LMBR1: variants seen among roughly 807,000 people sequenced by gnomAD.
LMBR1 encodes the protein limb region 1 protein homolog.
Under a neutral mutation model 73.9 loss-of-function variants are expected in LMBR1, and 52 were observed. That is an observed-to-expected ratio of 0.70 (90% confidence interval 0.56 to 0.89). The LOEUF is 0.89. Ranked by LOEUF, LMBR1 falls within the 40% of genes least tolerant of loss-of-function variation. LMBR1 has a pLI of 0.00. For synonymous variants in LMBR1, 215 were observed against 209.4 expected (o/e 1.03, Z -0.23); for missense variants, 539 against 579.8 (o/e 0.93, Z 0.72).
At chr7:156,796,566 C>T (rs1830082732) in intron 4 of LMBR1, 74 bp from the exon 5 acceptor site, 2 of 872,680 alleles carry the variant, frequency 2.3e-6, no homozygotes, top group African/African-American at 1.8e-5. Context: ...AAGATCTATA[C>T]TTTTAAATAG....
rs186726789 is a variant in LMBR1, at chr7:156,824,969, G to A, written c.319+1636C>T. The stretch of plus-strand genomic sequence containing the variant: ...TCTATTTCTTTCCTTGGATAAAAAC[G>A]AAAGCATACTTAGCTGTAACGCTAC... On this transcript the variant is annotated intron_variant, in intron 4 of 16. Coordinates refer to ENST00000353442, the MANE Select transcript of LMBR1 (RefSeq NM_022458.4). Among the ~76,000 whole-genome samples the A allele has an allele frequency of 2.6e-3, 399 of 151,854 alleles. 4 individuals carry two copies. The highest frequency in any genetic ancestry group is 9.0e-3 in the African/African-American group (374 of 41,406).
chr7:156,792,416 A>C (rs1829378418), intron 5 of LMBR1, among the ~76,000 whole-genome samples: 1 of 152,212 alleles, frequency 6.6e-6, no homozygotes, highest in Non-Finnish European at 1.5e-5. Context: ...AAATAATCTA[A>C]ATTTGGTAAA....
At chr7:156,773,578 C>T (rs569671404) in intron 5 of LMBR1, among the ~76,000 whole-genome samples, 88 of 152,044 alleles carry the variant, frequency 5.8e-4, no homozygotes, top group Admixed American at 3.6e-3. Flanking sequence ...TCAACAAAGT[C>T]GACAAAAACA....
At chr7:156,759,212 T>C (rs771630146) in intron 8 of LMBR1, among the ~76,000 whole-genome samples, 3 of 152,264 alleles carry the variant, frequency 2.0e-5, no homozygotes, top group Non-Finnish European at 4.4e-5. Context: ...GTGTTTTTGA[T>C]GGTAGTAGCA....
intron 5 of LMBR1, among the ~76,000 whole-genome samples, chr7:156,787,548 A>G (rs1312557984): frequency 6.6e-6 from 1 of 152,248 alleles, no homozygotes; most frequent in Non-Finnish European, 1.5e-5. Context: ...TACAAAGACC[A>G]AAATTTCTCT....
rs1284920280 is a variant in LMBR1, at chr7:156,697,902, T to C, written c.1226-9711A>G. 3.9e-5 allele frequency among the ~76,000 whole-genome samples: 6 copies of C among 152,164 alleles called. No individual in the cohort carries two copies. In the East Asian group the frequency reaches 1.2e-3, roughly 29 times the overall value. ...AGACAGGCATAAAAAATTATAAAAG[T>C]ATTATTTGGGAACTGACAAATGTCC... On this transcript the variant is annotated intron_variant, in intron 15 of 16. Transcript: ENST00000353442.
chr7:156,845,654 A>T lies in LMBR1; in HGVS notation c.67-8769T>A, dbSNP rs182298712. On this transcript the variant is annotated intron_variant, in intron 1 of 16. Transcript: ENST00000353442. The stretch of plus-strand genomic sequence containing the variant: ...TAACAAAAAAGAAAGATGGGTTGAA[A>T]TTTTTTTTTTTAAGAGACAGGGTTT... 4.5e-3 allele frequency among the ~76,000 whole-genome samples: 676 copies of T among 149,996 alleles called. 4 individuals are homozygous for T. Among genetic ancestry groups the T allele is most frequent in the African/African-American group, 0.015 (619 of 40,882 alleles).
intron 9 of LMBR1, among the ~76,000 whole-genome samples, chr7:156,755,971 G>A (rs563025763): frequency 6.7e-4 from 102 of 152,260 alleles, no homozygotes; most frequent in African/African-American, 2.3e-3. Flanking sequence ...TTGTTGGCGG[G>A]AGACTGGCTT....
chr7:156,763,866 A>G, intron 5 of LMBR1, 71 bp from the exon 6 acceptor site: 2 of 1,279,588 alleles, frequency 1.6e-6, no homozygotes, highest in Non-Finnish European at 2.1e-6. Context: ...TTCTGCCTAT[A>G]TGAAAGCATA....
At chr7:156,802,931 G>A (rs1195921166) in intron 4 of LMBR1, among the ~76,000 whole-genome samples, 3 of 152,090 alleles carry the variant, frequency 2.0e-5, no homozygotes, top group Non-Finnish European at 2.9e-5. Context: ...ATGGTGCTGG[G>A]AGAACTGGCT....
intron 4 of LMBR1, among the ~76,000 whole-genome samples, chr7:156,798,363 T>G (rs1830395926): frequency 6.6e-6 from 1 of 152,220 alleles, no homozygotes; most frequent in African/African-American, 2.4e-5. Flanking sequence ...GACTCCAGGC[T>G]CGCTTGCTAG....
At chr7:156,716,063 A>G (rs1813137781) in intron 15 of LMBR1, among the ~76,000 whole-genome samples, 3 of 152,228 alleles carry the variant, frequency 2.0e-5, no homozygotes, top group Non-Finnish European at 1.5e-5. Context: ...ATACTTATTA[A>G]CTAGATGCTG....
Position 156,670,399 on chromosome 7 carries a change from AAG to A in LMBR1, n.867-1114_867-1113del, listed in dbSNP as rs1466398786. 6.6e-6 allele frequency among the ~76,000 whole-genome samples: 1 copy of A among 152,202 alleles called. No individual in the cohort carries two copies. Among genetic ancestry groups the A allele is most frequent in the Non-Finnish European group, 1.5e-5 (1 of 68,044 alleles). Reference sequence around the variant, plus strand: ...GCGGGTCCAGGGAAGTGACTTGCCTAAGAGAGGATGTGGCGCAGGATGTCACT... The same window carrying A: ...GCGGGTCCAGGGAAGTGACTTGCCTAAGAGGATGTGGCGCAGGATGTCACT... On this transcript the variant is annotated intron_variant and non_coding_transcript_variant, in intron 4 of 4. Coordinates refer to the LMBR1 transcript ENST00000430825. This position sits in a 1 kb window ranked among gnomAD's most constrained non-coding sequence, Gnocchi z 4.3.
intron 1 of LMBR1, among the ~76,000 whole-genome samples, chr7:156,861,566 T>C (rs966465368): frequency 4.6e-5 from 7 of 152,220 alleles, no homozygotes; most frequent in Non-Finnish European, 1.0e-4. Context: ...GAATTTCTCC[T>C]CAGAAAATGG....
intron 5 of LMBR1, among the ~76,000 whole-genome samples, chr7:156,794,244 CAAAGATGTGCTAAGA>C (rs1829711775): frequency 6.6e-6 from 1 of 151,950 alleles, no homozygotes; most frequent in Non-Finnish European, 1.5e-5. Context: ...CTAACATGGT[CAAAGATGTGCTAAGA>C]AAAGAATATT....
intron 9 of LMBR1, among the ~76,000 whole-genome samples, chr7:156,736,850 T>C (rs1044232939): frequency 6.6e-6 from 1 of 152,210 alleles, no homozygotes; most frequent in Non-Finnish European, 1.5e-5. Context: ...TCTATGTACT[T>C]AACACAAATT....
At chr7:156,868,005 T>C (rs1037421011) in intron 1 of LMBR1, among the ~76,000 whole-genome samples, 2 of 152,114 alleles carry the variant, frequency 1.3e-5, no homozygotes, top group African/African-American at 2.4e-5. Flanking sequence ...CCAGGACTTT[T>C]AGAGGCTAAG....
At chr7:156,716,782 A>G (rs961928903) in intron 15 of LMBR1, among the ~76,000 whole-genome samples, 4 of 152,192 alleles carry the variant, frequency 2.6e-5, no homozygotes, top group Non-Finnish European at 5.9e-5. Context: ...ATGCTATACA[A>G]GTCTGACTCT....
At chr7:156,885,129 G>A (rs991028296) in intron 1 of LMBR1, among the ~76,000 whole-genome samples, 1 of 152,042 alleles carries the variant, frequency 6.6e-6, no homozygotes, top group Non-Finnish European at 1.5e-5. Context: ...GGCAGGGGCG[G>A]ATCACCTGAG....
Sources: allele counts gnomAD v4.1 joint callset (sites outside exome capture counted in the v4.1 genomes callset), GRCh38; gene constraint gnomAD v4.1.1; non-coding constraint Gnocchi (gnomAD v3.1); transcripts MANE v1.5; gene names NCBI Gene and HGNC (gene_info 2026-07-23, HGNC 2026-07-21).